PLXNA3: variants seen among roughly 807,000 people sequenced by gnomAD.
PLXNA3 encodes the protein plexin A3.
Under a neutral mutation model 118.8 loss-of-function variants are expected in PLXNA3, and 52 were observed. That is an observed-to-expected ratio of 0.44 (90% CI 0.35 to 0.55). The LOEUF (loss-of-function observed/expected upper bound fraction) is 0.55. Among genes scored for constraint, PLXNA3 ranks in the 20% least tolerant of loss-of-function variants. The pLI, the probability that PLXNA3 is intolerant of heterozygous loss-of-function variation, is 0.01. For synonymous variants in PLXNA3, 925 were observed against 762.4 expected (o/e 1.21, Z -3.51); for missense variants, 1,660 against 1,730.8 (o/e 0.96, Z 0.73).
intron 1 of PLXNA3, among the ~76,000 whole-genome samples, chrX:154,458,676 C>G (rs1004506554): frequency 8.9e-6 from 1 of 112,363 alleles, no homozygotes; most frequent in Non-Finnish European, 1.9e-5. Context: ...TTCCCTCCCG[C>G]TAAGGGCTCC....
At chrX:154,464,720 T>C in intron 9 of PLXNA3, 34 bp from the exon 10 acceptor site, 1 of 976,155 alleles carries the variant, frequency 1.0e-6, no homozygotes, top group Non-Finnish European at 1.4e-6. Context: ...CAGTGCAGCC[T>C]CCTCTGTTAT....
chrX:154,462,240 G>C lies in PLXNA3; in HGVS notation c.1247G>C (p.Ser416Thr). 2 of 1,201,140 alleles carry C rather than the reference G, an allele frequency of 1.7e-6. No homozygotes were observed. Among genetic ancestry groups the C allele is most frequent in the Middle Eastern group, 2.3e-4 (1 of 4,282 alleles). ...GCCGACAGCACCGACGGCATGGCCA[G>C]CGTGGCCGCCTACACCTACCGCCAG... ...LLADSTDGMA[S>T]VAAYTYRQHS... is the part of the protein sequence containing the mutation. The change falls in exon 4 of 33, where the codon AGC (serine) becomes ACC (threonine). Residue 416 changes from serine to threonine, a missense_variant. By Grantham distance (58) the Ser-to-Thr change is moderately conservative. This residue lies in a region of PLXNA3 where 791 missense variants were observed against 652.1 expected (regional missense o/e 1.21). Transcript: ENST00000369682.
rs782204026 is a variant in PLXNA3 at position 154,468,837 on chromosome X, G to A, written c.4302G>A (p.Glu1434=). The A allele has an allele frequency of 2.5e-6, 3 of 1,210,265 alleles. No individual in the cohort carries two copies. In the African/African-American group the frequency reaches 5.2e-5, roughly 21 times the overall value. Residue 1434 remains glutamate (E), a synonymous_variant, in exon 25 of 33, where the codon GAG becomes GAA. Coordinates refer to ENST00000369682, the MANE Select transcript of PLXNA3 (RefSeq NM_017514.5). ...LHKFLKECAG[E]PLFLLYCAIK... ...CCTGGCTGCAGGAGTGTGCTGGGGA[G>A]CCTCTCTTCCTGCTTTACTGTGCCA...
In PLXNA3 at chrX:154,460,145, G is replaced by A. The variant is rs782134958; in HGVS notation, c.-27-12G>A. ...TCGAGGCCTCTGACTCCCACACACC[G>A]TCTCTCCCTAGGCCTGTCCCCAGGC... On this transcript the variant is annotated splice_polypyrimidine_tract_variant and intron_variant, in intron 1 of 32. Transcript: ENST00000369682. 1.3e-5 allele frequency: 13 copies of A among 978,359 alleles called. No homozygotes were observed. The highest frequency in any genetic ancestry group is 3.8e-5 in the African/African-American group (2 of 53,082). The allele number at this position is 978,359 out of a possible 1,213,427, so 80.6% of individuals were successfully genotyped here.
chrX:154,464,064 C>T lies in PLXNA3; in HGVS notation c.1661C>T (p.Pro554Leu), dbSNP rs781939183. 8.3e-7 allele frequency: 1 copy of T among 1,211,189 alleles called. No homozygotes were observed. Among genetic ancestry groups the T allele is most frequent in the Non-Finnish European group, 1.1e-6 (1 of 895,278 alleles). The change falls in exon 7 of 33, where the codon CCT becomes CTT. Residue 554 changes from proline (P) to leucine (L), a missense_variant. By Grantham distance (98) the Pro-to-Leu change is moderately conservative. This residue lies in a region of PLXNA3 where 791 missense variants were observed against 652.1 expected (regional missense o/e 1.21). Transcript: ENST00000369682. ...CCCAACAATGTGTCAGTGACGTCACCTGGGGTGCAGGTGAGCAGCTTGGGG... is the reference window on the plus strand; with the variant it reads ...CCCAACAATGTGTCAGTGACGTCACTTGGGGTGCAGGTGAGCAGCTTGGGG... ...VRPNNVSVTS[P>L]GVQLTVTLHN...
At position 154,468,990 on chromosome X, in the gene PLXNA3, G is replaced by A. The variant is rs192258330; in HGVS notation, c.4434+21G>A. 214 of 1,209,490 alleles carry A rather than the reference G, an allele frequency of 1.8e-4. No individual in the cohort carries two copies. The East Asian group carries it at 6.2e-3, about 35-fold the overall frequency. On this transcript the variant is annotated intron_variant, in intron 25 of 32. Transcript: ENST00000369682. ...CACTGGTGAGCGCAGGGCCAGGCGG[G>A]CCAGAGGTAGGGGTGCAGAGAGAGG...
intron 1 of PLXNA3, among the ~76,000 whole-genome samples, chrX:154,459,864 C>T (rs2068907660): frequency 8.8e-6 from 1 of 113,217 alleles, no homozygotes; most frequent in Admixed American, 9.2e-5. Flanking sequence ...TGTTGGTTGC[C>T]CCGGGCTCTG....
In PLXNA3 at chrX:154,464,389, G is replaced by A. The variant is rs782773997; in HGVS notation, c.1829-13G>A. On this transcript the variant is annotated splice_polypyrimidine_tract_variant and intron_variant, in intron 8 of 32. Transcript: ENST00000369682. Reference sequence around the variant, plus strand: ...CCCCCAGCGAGTTCACGGCCACCCCGGGACTGCTGCAGGGGCCACCCGCAC... The same window carrying A: ...CCCCCAGCGAGTTCACGGCCACCCCAGGACTGCTGCAGGGGCCACCCGCAC... The A allele has an allele frequency of 6.6e-6, 8 of 1,206,911 alleles. No individual in the cohort carries two copies. The highest frequency in any genetic ancestry group is 7.8e-6 in the Non-Finnish European group (7 of 892,420).
rs1395383406 is a variant in PLXNA3, at chrX:154,464,033, G to C, written c.1630G>C (p.Val544Leu). Residue 544 changes from valine to leucine, a missense_variant, in exon 7 of 33, where the codon GTC becomes CTC. Around this residue, in one of 2 missense-constraint regions of PLXNA3, gnomAD observed 791 missense variants for 652.1 expected, o/e 1.21. Coordinates refer to ENST00000369682, the MANE Select transcript of PLXNA3 (RefSeq NM_017514.5). ...EELSKCVQVR[V>L]RPNNVSVTSP... Reference sequence around the variant, plus strand: ...GCTGAGCAAGTGTGTCCAGGTGCGGGTCCGGCCCAACAATGTGTCAGTGAC... The same window carrying C: ...GCTGAGCAAGTGTGTCCAGGTGCGGCTCCGGCCCAACAATGTGTCAGTGAC... The C allele has an allele frequency of 1.2e-5, 14 of 1,209,945 alleles. No homozygotes were observed. Among genetic ancestry groups the C allele is most frequent in the Non-Finnish European group, 1.5e-5 (13 of 894,814 alleles).
In PLXNA3 at chrX:154,465,780, C is replaced by A; in HGVS notation, c.2465C>A (p.Ala822Asp). ...HRCQLRTHCP[A>D]PKTNWMHLSQ... ...TGCCAGCTGCGGACCCACTGCCCGG[C>A]CCCGAAGACCAACTGGATGCACCTG... Residue 822 changes from alanine (A) to aspartate (D), a missense_variant, in exon 13 of 33, where the codon GCC (alanine) becomes GAC (aspartate). Transcript: ENST00000369682. The A allele has an allele frequency of 8.3e-7, 1 of 1,209,261 alleles. No individual in the cohort carries two copies.
intron 32 of PLXNA3, among the ~76,000 whole-genome samples, chrX:154,472,040 G>T (rs998667843): frequency 8.9e-6 from 1 of 111,908 alleles, no homozygotes; most frequent in African/African-American, 3.2e-5. Flanking sequence ...CCACAAGTGG[G>T]TGTGGAGGGA....
At chrX:154,466,931 T>G in intron 17 of PLXNA3, 126 bp from the exon 18 acceptor site, 1 of 842,510 alleles carries the variant, frequency 1.2e-6, no homozygotes, top group Non-Finnish European at 1.7e-6. Flanking sequence ...GGCTGCACAG[T>G]ACCCGGCACC....
chrX:154,466,930 G>A (rs2069096105), intron 17 of PLXNA3, 127 bp from the exon 18 acceptor site: 1 of 852,242 alleles, frequency 1.2e-6, no homozygotes, highest in Non-Finnish European at 1.7e-6. Context: ...TGGCTGCACA[G>A]TACCCGGCAC....
At chrX:154,471,077 C>T in intron 30 of PLXNA3, 28 bp from the exon 31 acceptor site, 1 of 1,184,446 alleles carries the variant, frequency 8.4e-7, no homozygotes, top group Non-Finnish European at 1.1e-6. Context: ...TAGGGAGCCT[C>T]AGGCGCACGT....
In PLXNA3 at chrX:154,467,937, C is replaced by T; in HGVS notation, c.3756C>T (p.Thr1252=). 2 of 1,210,944 alleles carry T rather than the reference C, an allele frequency of 1.7e-6. No individual in the cohort carries two copies. The highest frequency in any genetic ancestry group is 1.8e-5 in the South Asian group (1 of 56,991). Residue 1252 remains threonine, a synonymous_variant, in exon 21 of 33, where the codon ACC becomes ACT. Coordinates refer to ENST00000369682, the MANE Select transcript of PLXNA3 (RefSeq NM_017514.5). ...GCAAGACTCAGGACGCGGACCGTACCCTCAAGCGTCTGCAGCTGCAGATGG... is the reference window on the plus strand; with the variant it reads ...GCAAGACTCAGGACGCGGACCGTACTCTCAAGCGTCTGCAGCTGCAGATGG... ...YKRKTQDADR[T]LKRLQLQMDN...
At position 154,473,281 on chromosome X, in the gene PLXNA3, C is replaced by G. The variant is rs1424537486; in HGVS notation, c.*596C>G. The G allele has an allele frequency of 1.8e-5, 2 of 113,047 alleles. No homozygotes were observed. The highest frequency in any genetic ancestry group is 3.7e-5 in the Non-Finnish European group (2 of 53,359). 9.3% of individuals were successfully genotyped at this position (113,047 alleles called of 1,213,427 possible). On this transcript the variant is annotated 3_prime_UTR_variant, in exon 33 of 33. Coordinates refer to ENST00000369682, the MANE Select transcript of PLXNA3 (RefSeq NM_017514.5). ...CCACGCTGGACCACAGGGTCCCCCTCAAGCATCTCGGGGCCCTATTCTCTC... is the reference window on the plus strand; with the variant it reads ...CCACGCTGGACCACAGGGTCCCCCTGAAGCATCTCGGGGCCCTATTCTCTC...
chrX:154,463,979 G>T lies in PLXNA3; in HGVS notation c.1576G>T (p.Ala526Ser), dbSNP rs376423590. 4.2e-6 allele frequency: 5 copies of T among 1,192,215 alleles called. No individual in the cohort carries two copies. The South Asian group carries it at 9.2e-5, about 22-fold the overall frequency. Reference sequence around the variant, plus strand: ...CTGCCGCGAAGGGGCCTGTCTGGGCGCCTCTGCCCCACACGGCTTTGCTGA... The same window carrying T: ...CTGCCGCGAAGGGGCCTGTCTGGGCTCCTCTGCCCCACACGGCTTTGCTGA... ...RCCREGACLG[A>S]SAPHGFAEEL... Residue 526 changes from alanine to serine, a missense_variant, in exon 7 of 33, where the codon GCC becomes TCC. Physicochemically the swap from Ala to Ser is moderately conservative, Grantham distance 99 (BLOSUM62 1). Around this residue, in one of 2 missense-constraint regions of PLXNA3, gnomAD observed 791 missense variants for 652.1 expected, o/e 1.21. Coordinates refer to ENST00000369682, the MANE Select transcript of PLXNA3 (RefSeq NM_017514.5).
Position 154,467,635 on chromosome X carries a change from GAC to G in PLXNA3, c.3538_3539del (p.Gln1180ThrfsTer104). ...GGQPCSLTVS[D>X]TQLLCDSPSQ... ...CCAGCCGTGTTCGCTCACTGTCTCG[GAC>G]ACACAACTCCTGTGCGACTCACCCA... On this transcript the variant is annotated frameshift_variant, in exon 20 of 33. Coordinates refer to ENST00000369682, the MANE Select transcript of PLXNA3 (RefSeq NM_017514.5). LOFTEE classifies it high-confidence loss of function. 8.3e-7 allele frequency: 1 copy of G among 1,210,206 alleles called. No homozygotes were observed.
chrX:154,463,611 A>G lies in PLXNA3; in HGVS notation c.1468A>G (p.Thr490Ala). The G allele has an allele frequency of 2.5e-6, 3 of 1,201,741 alleles. No homozygotes were observed. The highest frequency in any genetic ancestry group is 6.0e-5 in the East Asian group (2 of 33,571). The stretch of plus-strand genomic sequence containing the variant: ...CCAGGTGAGCCAGCTCCCGGTGGAG[A>G]CCTGTGAGCAGTACCAGAGCTGCGC... ...EKQVSQLPVE[T>A]CEQYQSCAAC... The change falls in exon 6 of 33, where the codon ACC becomes GCC. Residue 490 changes from threonine to alanine, a missense_variant. This residue lies in a region of PLXNA3 where 791 missense variants were observed against 652.1 expected (regional missense o/e 1.21). Transcript: ENST00000369682.
Sources: gnomAD v4.1 joint callset for allele counts (sites outside exome capture counted in the v4.1 genomes callset) on GRCh38, gnomAD v4.1.1 for gene constraint, gnomAD v4.1.1 regional missense constraint, MANE v1.5 for transcripts, NCBI Gene and HGNC (gene_info 2026-07-23, HGNC 2026-07-21) for gene names.